AKAP13: variants seen among roughly 807,000 people sequenced by gnomAD.
AKAP13 encodes A-kinase anchor protein 13.
In AKAP13, 80 loss-of-function variants were observed where a neutral mutation model predicts 264.5. The observed-to-expected ratio is 0.30, with a 90% confidence interval of 0.25 to 0.36. The LOEUF (loss-of-function observed/expected upper bound fraction) is 0.36. AKAP13 is among the 10% of genes least tolerant of loss of function. The pLI is 1.00. For synonymous variants in AKAP13, 1,380 were observed against 1,250.2 expected (o/e 1.10, Z -2.19); for missense variants, 3,712 against 3,435.2 (o/e 1.08, Z -2.01).
chr15:85,730,492 A>T, intron 29 of AKAP13, 21 bp from the exon 30 acceptor site: 1 of 1,610,322 alleles, frequency 6.2e-7, no homozygotes, highest in East Asian at 2.2e-5. Flanking sequence ...CAAATCACAG[A>T]TCATTTTCTC....
intron 1 of AKAP13, among the ~76,000 whole-genome samples, chr15:85,459,507 CT>C (rs1245502175): frequency 1.1e-4 from 16 of 141,282 alleles, no homozygotes; most frequent in Non-Finnish European, 7.7e-5. Context: ...CCTGCTTTTT[CT>C]TTTTTTTTTG....
At chr15:85,589,695 G>A (rs2079510677) in intron 8 of AKAP13, among the ~76,000 whole-genome samples, 1 of 123,150 alleles carries the variant, frequency 8.1e-6, no homozygotes, top group Admixed American at 8.8e-5. Context: ...GGGCGACAGA[G>A]TAACACTCTG....
chr15:85,442,554 A>C (rs75145862), intron 1 of AKAP13, among the ~76,000 whole-genome samples: 1 of 134,138 alleles, frequency 7.5e-6, no homozygotes, highest in African/African-American at 2.9e-5. Flanking sequence ...ATATATATTT[A>C]TTTCTAGCAT....
Position 85,746,307 on chromosome 15 carries a change from G to GTGTT in AKAP13, c.*1636_*1639dup, listed in dbSNP as rs781485099. 1.3e-5 allele frequency: 2 copies of GTGTT among 152,192 alleles called. No individual in the cohort carries two copies. The highest frequency in any genetic ancestry group is 1.3e-4 in the Admixed American group (2 of 15,266). 9.4% of individuals were successfully genotyped at this position (152,192 alleles called of 1,614,324 possible). ...TTTTATTTATTGTATTTGTGTGTTT[G>GTGTT]TGTTTGTTTTTTTTTAAGGGTGAGC... On this transcript the variant is annotated 3_prime_UTR_variant, in exon 37 of 37. Coordinates refer to ENST00000394518, the MANE Select transcript of AKAP13 (RefSeq NM_007200.5).
intron 15 of AKAP13, 24 bp from the exon 16 acceptor site, chr15:85,684,717 A>T (rs2084799673): frequency 6.3e-7 from 1 of 1,596,926 alleles, no homozygotes; most frequent in African/African-American, 1.3e-5. Context: ...TTTAAAAAAA[A>T]TCAATCTTCT....
chr15:85,525,433 G>C (rs1197097950), intron 3 of AKAP13, among the ~76,000 whole-genome samples: 1 of 152,136 alleles, frequency 6.6e-6, no homozygotes, highest in Non-Finnish European at 1.5e-5. Flanking sequence ...CATTCTGAAG[G>C]CTGAAAAGAA....
chr15:85,655,778 A>T lies in AKAP13; in HGVS notation c.4736A>T (p.Asn1579Ile). Reference protein sequence around the residue: ...GKNAASDAEMNHRSSMRVLGD... With the variant: ...GKNAASDAEMIHRSSMRVLGD... ...AATGCAGCCAGCGATGCAGAAATGA[A>T]CCACCGGAGGTGAGATGGGAGGCGG... The change falls in exon 11 of 37, where the codon AAC becomes ATC. Residue 1579 changes from asparagine (N) to isoleucine (I), a missense_variant. Coordinates refer to ENST00000394518, the MANE Select transcript of AKAP13 (RefSeq NM_007200.5). 6.2e-7 allele frequency: 1 copy of T among 1,607,354 alleles called. No individual in the cohort carries two copies. Among genetic ancestry groups the T allele is most frequent in the South Asian group, 1.1e-5 (1 of 90,944 alleles).
intron 14 of AKAP13, among the ~76,000 whole-genome samples, chr15:85,681,028 G>A (rs1356660518): frequency 6.6e-6 from 1 of 152,130 alleles, no homozygotes; most frequent in African/African-American, 2.4e-5. Flanking sequence ...ATGTTGGTCA[G>A]CCTGGTCTTA....
intron 5 of AKAP13, among the ~76,000 whole-genome samples, chr15:85,562,577 ATATAT>A (rs1567126533): frequency 0.012 from 870 of 69,874 alleles, 58 homozygotes; most frequent in East Asian, 0.025. Flanking sequence ...AAAAAAAAAT[ATATAT>A]ATATATATAT....
chr15:85,555,524 A>C, intron 5 of AKAP13: 1 of 1,205,776 alleles, frequency 8.3e-7, no homozygotes, highest in South Asian at 1.3e-5. Flanking sequence ...ATGCTTTGTT[A>C]ATCTTCATTG....
intron 1 of AKAP13, among the ~76,000 whole-genome samples, chr15:85,451,976 G>A (rs544887228): frequency 6.6e-5 from 10 of 151,884 alleles, no homozygotes; most frequent in Admixed American, 1.3e-4. Flanking sequence ...AGTTGTTGGC[G>A]TTCTCCCCTT....
chr15:85,544,002 A>G (rs2077651338), intron 5 of AKAP13, 47 bp downstream of exon 5: 2 of 1,602,682 alleles, frequency 1.2e-6, no homozygotes, highest in East Asian at 2.2e-5. Context: ...CCCCAGCCCC[A>G]CCCCCGATTC....
In AKAP13 at chr15:85,574,879, C is replaced by T. The variant is rs567824833; in HGVS notation, c.663-252C>T. 2.6e-5 allele frequency among the ~76,000 whole-genome samples: 4 copies of T among 152,298 alleles called. No individual in the cohort carries two copies. In the East Asian group the frequency reaches 7.7e-4, roughly 29 times the overall value. On this transcript the variant is annotated intron_variant, in intron 5 of 36. Transcript: ENST00000394518. ...AACTATTATTAGATCCCACATATCT[C>T]TTTATCTTGATCTAAAGAACATTGT...
rs760032695 is a variant in AKAP13, at chr15:85,719,301, G to A, written c.6227G>A (p.Arg2076Lys). 27 of 1,614,072 alleles carry A rather than the reference G, an allele frequency of 1.7e-5. No homozygotes were observed. Among genetic ancestry groups the A allele is most frequent in the Non-Finnish European group, 2.3e-5 (27 of 1,180,038 alleles). ...DKSEKNFLIK[R>K]IGDVLVNQFS... is the part of the protein sequence containing the mutation. ...AGTGAAAAGAACTTTCTCATCAAGA[G>A]GATAGGGGATGTGCTTGTAAATCAG... is the stretch of plus-strand genomic sequence containing the variant. The change falls in exon 23 of 37, where the codon AGG (arginine) becomes AAG (lysine). Residue 2076 changes from arginine (R) to lysine (K), a missense_variant. By Grantham distance (26) the Arg-to-Lys change is conservative (BLOSUM62 2). This residue lies in a region of AKAP13 where 342 missense variants were observed against 484.3 expected (regional missense o/e 0.71). Coordinates refer to ENST00000394518, the MANE Select transcript of AKAP13 (RefSeq NM_007200.5).
chr15:85,541,393 G>A (rs1451048281), intron 4 of AKAP13, among the ~76,000 whole-genome samples: 1 of 152,194 alleles, frequency 6.6e-6, no homozygotes, highest in Non-Finnish European at 1.5e-5. Context: ...AGGTTGTTGA[G>A]TGAGTGTCTG....
intron 13 of AKAP13, among the ~76,000 whole-genome samples, chr15:85,667,989 G>T (rs1268187559): frequency 6.6e-6 from 1 of 152,044 alleles, no homozygotes; most frequent in Non-Finnish European, 1.5e-5. Flanking sequence ...TTAGTGCCTT[G>T]CTATGCTTAG....
chr15:85,454,447 A>G (rs569704347), intron 1 of AKAP13, among the ~76,000 whole-genome samples: 1 of 151,824 alleles, frequency 6.6e-6, no homozygotes, highest in African/African-American at 2.4e-5. Flanking sequence ...TGTTGCTCCC[A>G]GGTGCGCTGT....
chr15:85,610,309 T>G (rs956614029), intron 8 of AKAP13, among the ~76,000 whole-genome samples: 1 of 152,236 alleles, frequency 6.6e-6, no homozygotes, highest in Non-Finnish European at 1.5e-5. Context: ...TCTTCCCTTC[T>G]TTTTCCATTT....
At position 85,385,537 on chromosome 15, in the gene AKAP13, G is replaced by T. The variant is rs142672347; in HGVS notation, c.-12+4739G>T. Among the ~76,000 whole-genome samples, 1,273 of 152,162 alleles carry T rather than the reference G, an allele frequency of 8.4e-3. 7 individuals are homozygous for T. Among genetic ancestry groups the T allele is most frequent in the Middle Eastern group, 0.014 (4 of 294 alleles). On this transcript the variant is annotated intron_variant, in intron 1 of 36. Transcript: ENST00000394518. The stretch of plus-strand genomic sequence containing the variant: ...CTTCTGAGCCCTTTTGTACTCAACC[G>T]GTTCTCTACCCCCAGACTCTGGAAA...
Sources: gnomAD v4.1 joint callset for allele counts (sites outside exome capture counted in the v4.1 genomes callset) on GRCh38, gnomAD v4.1.1 for gene constraint, gnomAD v4.1.1 regional missense constraint, MANE v1.5 for transcripts, NCBI Gene and HGNC (gene_info 2026-07-23, HGNC 2026-07-21) for gene names.